The following VIT variants were observed in gnomAD, a reference collection of about 807,000 sequenced individuals.
VIT encodes the protein vitrin.
Under a neutral mutation model 78.0 loss-of-function variants are expected in VIT, and 99 were observed. That is an observed-to-expected ratio of 1.27 (90% confidence interval 1.08 to 1.50). The LOEUF (loss-of-function observed/expected upper bound fraction) is 1.50. Among genes scored for constraint, VIT ranks in the 40% most tolerant of loss-of-function variants. The pLI, the probability that VIT is intolerant of heterozygous loss-of-function variation, is 0.00. For missense variants in VIT, 1,126 were observed against 875.3 expected, an observed-to-expected ratio of 1.29 and a Z score of -3.61; for synonymous variants, 374 against 334.3, an observed-to-expected ratio of 1.12 and a Z score of -1.29.
At chr2:36,768,970 C>T (rs964348329) in intron 7 of VIT, among the ~76,000 whole-genome samples, 2 of 152,042 alleles carry the variant, frequency 1.3e-5, no homozygotes, top group African/African-American at 2.4e-5. Context: ...ATAAGAATAC[C>T]GCAAAAAGAA....
intron 7 of VIT, among the ~76,000 whole-genome samples, chr2:36,770,219 C>T (rs914658012): frequency 2.0e-5 from 3 of 152,216 alleles, no homozygotes; most frequent in Non-Finnish European, 4.4e-5. Context: ...ATGAACACAT[C>T]CCATCAAGAT....
chr2:36,697,591 T>A lies in VIT; in HGVS notation c.-19+618T>A, dbSNP rs545135325. ...GGGGCTGGCATTGTTAAGTCTGCCA[T>A]CGTAGCTCAGCTTTTCACAGGAAGA... On this transcript the variant is annotated intron_variant, in intron 1 of 15. Transcript: ENST00000379242. 2.6e-5 allele frequency among the ~76,000 whole-genome samples: 4 copies of A among 152,364 alleles called. No individual in the cohort carries two copies. In the East Asian group the frequency reaches 7.7e-4, roughly 29 times the overall value.
intron 13 of VIT, 99 bp downstream of exon 13, chr2:36,801,503 T>G: frequency 1.8e-6 from 2 of 1,112,608 alleles, no homozygotes; most frequent in Non-Finnish European, 2.6e-6. Flanking sequence ...AAAATAATAA[T>G]AATCCGTCAA....
At chr2:36,794,397 G>C (rs1449973468) in intron 12 of VIT, among the ~76,000 whole-genome samples, 1 of 152,158 alleles carries the variant, frequency 6.6e-6, no homozygotes, top group Non-Finnish European at 1.5e-5. Context: ...AAGATTGCTT[G>C]CATAAAAATT....
intron 11 of VIT, among the ~76,000 whole-genome samples, chr2:36,786,185 A>G (rs1289710904): frequency 6.6e-6 from 1 of 150,602 alleles, no homozygotes; most frequent in South Asian, 2.1e-4. Context: ...TTTTTCCTAT[A>G]TGGAGCTCTG....
intron 13 of VIT, among the ~76,000 whole-genome samples, chr2:36,801,935 A>G (rs1435386342): frequency 7.9e-5 from 12 of 152,210 alleles, no homozygotes; most frequent in Non-Finnish European, 1.5e-5. Context: ...AGGGCAATCA[A>G]GTCTGCTGTC....
rs34099970 is a variant in VIT at position 36,808,933 on chromosome 2, C to T, written c.1851C>T (p.Asp617=). 2,713 of 1,612,526 alleles carry T rather than the reference C, an allele frequency of 1.7e-3. 55 individuals are homozygous for T. In the African/African-American group the frequency reaches 0.032, roughly 19 times the overall value. Residue 617 remains aspartate (D), a synonymous_variant, in exon 15 of 16, where the codon GAC becomes GAT. Coordinates refer to ENST00000379242, the MANE Select transcript of VIT (RefSeq NM_053276.4). ...NKRKLMILIT[D]GRSYDDVRIP... ...GGAAGTTAATGATCCTCATCACCGACGGGAGGTCCTACGACGACGTCCGGA... is the reference window on the plus strand; with the variant it reads ...GGAAGTTAATGATCCTCATCACCGATGGGAGGTCCTACGACGACGTCCGGA...
At chr2:36,718,877 G>C (rs979858552) in intron 2 of VIT, among the ~76,000 whole-genome samples, 1 of 152,190 alleles carries the variant, frequency 6.6e-6, no homozygotes, top group South Asian at 2.1e-4. Flanking sequence ...GAAAGCACAA[G>C]GTCCTTCATT....
intron 4 of VIT, among the ~76,000 whole-genome samples, chr2:36,746,707 T>G (rs1668157120): frequency 6.6e-6 from 1 of 152,110 alleles, no homozygotes; most frequent in African/African-American, 2.4e-5. Flanking sequence ...TTTGTTAATC[T>G]AGCTAGTGGT....
At chr2:36,811,216 G>C (rs149060659) in intron 15 of VIT, among the ~76,000 whole-genome samples, 1 of 152,172 alleles carries the variant, frequency 6.6e-6, no homozygotes, top group Non-Finnish European at 1.5e-5. Context: ...AGGCTCAGAA[G>C]CAACTGGCCC....
At chr2:36,729,597 T>C (rs974660316) in intron 3 of VIT, 106 bp downstream of exon 3, 10 of 1,095,456 alleles carry the variant, frequency 9.1e-6, no homozygotes, top group Middle Eastern at 2.2e-4. Context: ...TTTTTATCTC[T>C]ATGTCAATTA....
Position 36,767,154 on chromosome 2 carries a change from C to T in VIT, c.548C>T (p.Thr183Ile), listed in dbSNP as rs146118393. 1 of 1,610,698 alleles carries T rather than the reference C, an allele frequency of 6.2e-7. No individual in the cohort carries two copies. Among genetic ancestry groups the T allele is most frequent in the Non-Finnish European group, 8.5e-7 (1 of 1,178,738 alleles). ...CCAGGGACAACTGCACAGCCGGTCA[C>T]TCTGATGCAGCTTCTGGCTGTCACT... ...PIPGTTAQPV[T>I]LMQLLAVTVA... The change falls in exon 7 of 16, where the codon ACT becomes ATT. Residue 183 changes from threonine (T) to isoleucine (I), a missense_variant. Physicochemically the swap from Thr to Ile is moderately conservative, Grantham distance 89. Transcript: ENST00000379242.
chr2:36,748,724 T>C (rs1246738708), intron 4 of VIT, among the ~76,000 whole-genome samples: 1 of 152,238 alleles, frequency 6.6e-6, no homozygotes, highest in Non-Finnish European at 1.5e-5. Context: ...ACTAACATCT[T>C]CGTCAGGTCC....
At chr2:36,785,843 C>A (rs75123167) in intron 11 of VIT, among the ~76,000 whole-genome samples, 22 of 152,370 alleles carry the variant, frequency 1.4e-4, no homozygotes, top group African/African-American at 5.3e-4. Context: ...TTCTCCTAAT[C>A]ACAGTTCTGC....
chr2:36,792,192 G>C (rs576359193), intron 12 of VIT, among the ~76,000 whole-genome samples: 101 of 152,274 alleles, frequency 6.6e-4, no homozygotes, highest in South Asian at 1.9e-3. Flanking sequence ...CAAGATCTCA[G>C]AACAGCTCCC....
intron 15 of VIT, 36 bp from the exon 16 acceptor site, chr2:36,814,147 T>G: frequency 6.3e-7 from 1 of 1,599,886 alleles, no homozygotes; most frequent in Non-Finnish European, 8.5e-7. Flanking sequence ...CACCTTTACT[T>G]GGGGACATTT....
At chr2:36,770,676 A>G (rs1669692047) in intron 7 of VIT, among the ~76,000 whole-genome samples, 1 of 152,226 alleles carries the variant, frequency 6.6e-6, no homozygotes, top group Admixed American at 6.5e-5. Flanking sequence ...ATCTATAGAT[A>G]TGCTTAGGAA....
At chr2:36,739,844 T>C (rs1251331272) in intron 3 of VIT, among the ~76,000 whole-genome samples, 1 of 152,186 alleles carries the variant, frequency 6.6e-6, no homozygotes, top group Non-Finnish European at 1.5e-5. Context: ...CACGGCTCTC[T>C]GTGGCTTTGG....
At chr2:36,725,419 C>T (rs1156752037) in intron 2 of VIT, among the ~76,000 whole-genome samples, 1 of 152,090 alleles carries the variant, frequency 6.6e-6, no homozygotes, top group East Asian at 1.9e-4. Flanking sequence ...CCTAGAGAGG[C>T]ATCTTTTTGC....
Sources: gnomAD v4.1 joint callset for allele counts (sites outside exome capture counted in the v4.1 genomes callset) on GRCh38, gnomAD v4.1.1 for gene constraint, MANE v1.5 for transcripts, NCBI Gene and HGNC (gene_info 2026-07-23, HGNC 2026-07-21) for gene names.